Variants in SESTD1 observed in about 807,000 individuals in gnomAD.
SESTD1 encodes the protein SEC14 domain and spectrin repeat-containing protein 1.
SESTD1 carries 43 observed loss-of-function variants against 101.7 expected under a neutral mutation model. The observed-to-expected ratio is 0.42, with a 90% CI of 0.33 to 0.55. The LOEUF is 0.55. Ranked by LOEUF, SESTD1 falls within the 20% of genes least tolerant of loss-of-function variation. SESTD1 has a pLI of 0.07. For missense variants in SESTD1, 647 were observed against 815.1 expected, an observed-to-expected ratio of 0.79 and a Z score of 2.51; for synonymous variants, 283 against 286.8, an observed-to-expected ratio of 0.99 and a Z score of 0.13.
chr2:179,132,780 T>C (rs1012046896), intron 9 of SESTD1, among the ~76,000 whole-genome samples: 2 of 152,146 alleles, frequency 1.3e-5, no homozygotes, highest in African/African-American at 4.8e-5. Flanking sequence ...ACATCAGAAA[T>C]GATATCAGTC....
intron 10 of SESTD1, among the ~76,000 whole-genome samples, chr2:179,129,272 C>A (rs1228979776): frequency 6.6e-6 from 1 of 152,212 alleles, no homozygotes; most frequent in Non-Finnish European, 1.5e-5. Flanking sequence ...TCCTATCACA[C>A]ACGCTTTTCC....
intron 1 of SESTD1, among the ~76,000 whole-genome samples, chr2:179,198,310 A>C (rs551758016): frequency 2.8e-3 from 421 of 152,182 alleles, no homozygotes; most frequent in African/African-American, 7.4e-3. Context: ...TAAAGCAAGT[A>C]CTGAGTGACC....
At chr2:179,260,128 CA>C (rs1209241397) in intron 1 of SESTD1, among the ~76,000 whole-genome samples, 1 of 152,196 alleles carries the variant, frequency 6.6e-6, no homozygotes, top group Non-Finnish European at 1.5e-5. Context: ...CAGTTCATTA[CA>C]TTTTTTTCAT....
At chr2:179,143,417 A>G (rs1174635225) in intron 9 of SESTD1, among the ~76,000 whole-genome samples, 175 bp downstream of exon 9, 2 of 152,234 alleles carry the variant, frequency 1.3e-5, no homozygotes, top group Non-Finnish European at 2.9e-5. Flanking sequence ...TGAAAATAAC[A>G]TAACTTTTAA....
At chr2:179,147,357 G>T (rs1359287138) in intron 7 of SESTD1, among the ~76,000 whole-genome samples, 3 of 142,206 alleles carry the variant, frequency 2.1e-5, no homozygotes, top group East Asian at 1.9e-4. Context: ...AGATATGTTT[G>T]TTTTTTTGTT....
chr2:179,154,808 C>CAATAATAAGAG (rs1351009216), intron 5 of SESTD1, among the ~76,000 whole-genome samples: 4 of 152,104 alleles, frequency 2.6e-5, no homozygotes, highest in Middle Eastern at 3.4e-3. Context: ...ATCTCATAAC[C>CAATAATAAGAG]AATAATAAGA....
At chr2:179,122,062 G>T in intron 12 of SESTD1, 133 bp from the exon 13 acceptor site, 3 of 656,762 alleles carry the variant, frequency 4.6e-6, no homozygotes, top group Non-Finnish European at 6.8e-6. Flanking sequence ...ACCTTGGGAT[G>T]GAATCCCAAG....
chr2:179,202,221 ACTT>A (rs1285933161), intron 1 of SESTD1, among the ~76,000 whole-genome samples: 3 of 133,016 alleles, frequency 2.3e-5, no homozygotes, highest in African/African-American at 9.0e-5. Context: ...TATTTTTAAA[ACTT>A]CTCAGAATCA....
chr2:179,193,079 C>CTAGGGGGTGGGCT (rs1161039525), intron 1 of SESTD1, among the ~76,000 whole-genome samples: 3 of 151,936 alleles, frequency 2.0e-5, no homozygotes, highest in South Asian at 2.1e-4. Flanking sequence ...GCTAAAAACT[C>CTAGGGGGTGGGCT]CAGAAACAGC....
chr2:179,242,620 T>G (rs1033675382), intron 1 of SESTD1, among the ~76,000 whole-genome samples: 2 of 151,912 alleles, frequency 1.3e-5, no homozygotes, highest in Non-Finnish European at 2.9e-5. Flanking sequence ...AACAGACACA[T>G]GGACAAATGG....
At chr2:179,260,123 C>T (rs1350636946) in intron 1 of SESTD1, among the ~76,000 whole-genome samples, 1 of 152,168 alleles carries the variant, frequency 6.6e-6, no homozygotes, top group Non-Finnish European at 1.5e-5. Flanking sequence ...TGTTACAGTT[C>T]ATTACATTTT....
chr2:179,142,704 G>A (rs2045306251), intron 9 of SESTD1, among the ~76,000 whole-genome samples: 1 of 152,152 alleles, frequency 6.6e-6, no homozygotes, highest in South Asian at 2.1e-4. Flanking sequence ...GATACATTCT[G>A]GGAGGACAAT....
chr2:179,255,168 G>C (rs2047373909), intron 1 of SESTD1, among the ~76,000 whole-genome samples: 1 of 152,062 alleles, frequency 6.6e-6, no homozygotes, highest in African/African-American at 2.4e-5. Flanking sequence ...CTGAAATTAG[G>C]CCAATCAATA....
intron 1 of SESTD1, among the ~76,000 whole-genome samples, chr2:179,253,827 G>C (rs1337648759): frequency 6.6e-6 from 1 of 152,200 alleles, no homozygotes; most frequent in African/African-American, 2.4e-5. Context: ...GCCAGGCACA[G>C]TGGCTCACAC....
At chr2:179,180,218 C>A (rs571972320) in intron 3 of SESTD1, among the ~76,000 whole-genome samples, 20 of 152,210 alleles carry the variant, frequency 1.3e-4, no homozygotes, top group African/African-American at 4.8e-4. Flanking sequence ...ACACTTTGTC[C>A]CTGTGTTCAT....
At chr2:179,248,320 G>C (rs1024693229) in intron 1 of SESTD1, among the ~76,000 whole-genome samples, 1 of 152,032 alleles carries the variant, frequency 6.6e-6, no homozygotes, top group Non-Finnish European at 1.5e-5. Flanking sequence ...AAATCTCCAA[G>C]CCCAGGTGGA....
At position 179,108,624 on chromosome 2, in the gene SESTD1, C is replaced by T. The variant is rs536951074; in HGVS notation, c.*1275G>A. 9 of 151,258 alleles carry T rather than the reference C, an allele frequency of 6.0e-5. No homozygotes were observed. Among genetic ancestry groups the T allele is most frequent in the Middle Eastern group, 3.4e-3 (1 of 294 alleles). 9.4% of individuals were successfully genotyped at this position (151,258 alleles called of 1,614,324 possible). ...TTTTTTTTTTGCATTGGAAGATACA[C>T]GAGCATGTTTGTAGACCTCAAAAAG... On this transcript the variant is annotated 3_prime_UTR_variant, in exon 18 of 18. Transcript: ENST00000428443.
intron 1 of SESTD1, among the ~76,000 whole-genome samples, chr2:179,214,100 A>AT (rs2046686679): frequency 7.4e-6 from 1 of 134,874 alleles, no homozygotes. Context: ...AGCTAACATC[A>AT]TAATGACAGG....
chr2:179,112,221 A>G (rs1363350230), intron 17 of SESTD1, among the ~76,000 whole-genome samples: 2 of 152,198 alleles, frequency 1.3e-5, no homozygotes, highest in Non-Finnish European at 2.9e-5. Flanking sequence ...AGTTTATGCT[A>G]ACTCTTAGAA....
Sources: gnomAD v4.1 joint callset for allele counts (sites outside exome capture counted in the v4.1 genomes callset) on GRCh38, gnomAD v4.1.1 for gene constraint, MANE v1.5 for transcripts, NCBI Gene and HGNC (gene_info 2026-07-23, HGNC 2026-07-21) for gene names.